The following RNF213 variants were observed in gnomAD, a reference collection of about 807,000 sequenced individuals.
The protein encoded by RNF213 is ring finger protein 213.
A neutral mutation model predicts 514.4 loss-of-function variants in RNF213; 341 were observed. The ratio of observed to expected loss-of-function variants is 0.66; its 90% CI spans 0.61 to 0.73. RNF213 has a LOEUF of 0.73. RNF213 is among the 30% of genes least tolerant of loss of function. The pLI is 0.00. For missense variants in RNF213, 5,767 were observed against 6,615.6 expected (o/e 0.87, Z 4.45); for synonymous variants, 2,655 against 2,658.2 (o/e 1.00, Z 0.04).
chr17:80,322,748 T>C (rs1427231945), intron 17 of RNF213, among the ~76,000 whole-genome samples: 1 of 152,114 alleles, frequency 6.6e-6, no homozygotes, highest in African/African-American at 2.4e-5. Context: ...GTTGTCTTTT[T>C]ATTATAGAGT....
Position 80,343,351 on chromosome 17 carries a change from T to C in RNF213, c.6183+26T>C, listed in dbSNP as rs750756103. The C allele has an allele frequency of 5.6e-6, 9 of 1,598,126 alleles. No individual in the cohort carries two copies. Among genetic ancestry groups the C allele is most frequent in the Non-Finnish European group, 7.7e-6 (9 of 1,169,952 alleles). On this transcript the variant is annotated intron_variant, in intron 27 of 67. Coordinates refer to ENST00000582970, the MANE Select transcript of RNF213 (RefSeq NM_001256071.3). The surrounding 1 kb of genome is among the most constrained non-coding windows in gnomAD (Gnocchi z 4.3). Reference sequence around the variant, plus strand: ...GTAAGTGCCCTCCAGCGTCAGCCGATGGCCACATCAGTAAAGACGTGGTCC... The same window carrying C: ...GTAAGTGCCCTCCAGCGTCAGCCGACGGCCACATCAGTAAAGACGTGGTCC...
chr17:80,343,289 G>A lies in RNF213; in HGVS notation c.6147G>A (p.Lys2049=), dbSNP rs1345077808. ...LLPFLDAQYQ[K]VPVLFHLDVT... ...CCTTCCTGGATGCGCAGTATCAGAA[G>A]GTCCCCGTGCTCTTTCACCTGGACG... The change falls in exon 27 of 68, where the codon AAG becomes AAA. Residue 2049 remains lysine, a synonymous_variant. Transcript: ENST00000582970. This position sits in a 1 kb window ranked among gnomAD's most constrained non-coding sequence, Gnocchi z 4.3. The A allele has an allele frequency of 6.2e-7, 1 of 1,613,274 alleles. No individual in the cohort carries two copies. Among genetic ancestry groups the A allele is most frequent in the East Asian group, 2.2e-5 (1 of 44,874 alleles).
Position 80,346,002 on chromosome 17 carries a change from T to C in RNF213, c.7667T>C (p.Leu2556Pro). ...AGTATGGAGGAGACGGCCGACAGGC[T>C]GGGCTCCATTCCTCTGAGGCAGCTG... ...RVSMEETADR[L>P]GSIPLRQLVY... is the part of the protein sequence containing the mutation. The change falls in exon 29 of 68, where the codon CTG becomes CCG. Residue 2556 changes from leucine (L) to proline (P), a missense_variant. Coordinates refer to ENST00000582970, the MANE Select transcript of RNF213 (RefSeq NM_001256071.3). This position sits in a 1 kb window ranked among gnomAD's most constrained non-coding sequence, Gnocchi z 8.1. The C allele has an allele frequency of 1.9e-6, 3 of 1,614,204 alleles. No homozygotes were observed. In the South Asian group the frequency reaches 3.3e-5, roughly 18 times the overall value.
intron 57 of RNF213, chr17:80,382,372 G>GACT (rs1362638720): frequency 6.4e-6 from 1 of 157,204 alleles, no homozygotes; most frequent in Non-Finnish European, 1.4e-5. Flanking sequence ...TGACCATTGT[G>GACT]AGGACAATGT....
At chr17:80,301,664 A>T (rs761514803) in intron 11 of RNF213, among the ~76,000 whole-genome samples, 7 of 152,246 alleles carry the variant, frequency 4.6e-5, no homozygotes, top group Non-Finnish European at 7.3e-5. Flanking sequence ...GGATGTGGGA[A>T]AGAGAAACTC....
chr17:80,355,618 T>TGAAC (rs2078757576), intron 36 of RNF213, among the ~76,000 whole-genome samples: 2 of 2,950 alleles, frequency 6.8e-4, no homozygotes, highest in Non-Finnish European at 1.2e-3. Context: ...GCGGGGTGAG[T>TGAAC]GGGAATGGGG....
At chr17:80,356,067 T>C (rs1209339434) in intron 36 of RNF213, among the ~76,000 whole-genome samples, 4 of 151,658 alleles carry the variant, frequency 2.6e-5, no homozygotes, top group Non-Finnish European at 5.9e-5. Flanking sequence ...AGTGATGCGA[T>C]CTCAGCTCAC....
At chr17:80,372,785 A>G (rs1371914781) in intron 48 of RNF213, 51 bp downstream of exon 48, 1 of 1,569,764 alleles carries the variant, frequency 6.4e-7, no homozygotes, top group East Asian at 2.2e-5. Context: ...TCCGTTATTT[A>G]GAAATTCAGG....
intron 6 of RNF213, 120 bp from the exon 7 acceptor site, chr17:80,290,450 T>TGC (rs1370963640): frequency 2.3e-5 from 27 of 1,199,668 alleles, no homozygotes; most frequent in Middle Eastern, 2.7e-4. Flanking sequence ...CATGTGTGTG[T>TGC]GCGAGTGCAT....
Position 80,289,818 on chromosome 17 carries a change from G to A in RNF213, c.1093G>A (p.Val365Ile), listed in dbSNP as rs749997912. ...GGAGCAAAAAAACCAGGAAGCAGATGTCCAGGAAGTGAAGGCAAGGTAGGG... is the reference window on the plus strand; with the variant it reads ...GGAGCAAAAAAACCAGGAAGCAGATATCCAGGAAGTGAAGGCAAGGTAGGG... ...EKEQKNQEAD[V>I]QEVKASTLSP... The change falls in exon 6 of 68, where the codon GTC becomes ATC. Residue 365 changes from valine (V) to isoleucine (I), a missense_variant. Physicochemically the swap from Val to Ile is conservative, Grantham distance 29 (BLOSUM62 3). This residue lies in a region of RNF213 where 509 missense variants were observed against 496.7 expected (regional missense o/e 1.02). Coordinates refer to ENST00000582970, the MANE Select transcript of RNF213 (RefSeq NM_001256071.3). 5 of 1,611,216 alleles carry A rather than the reference G, an allele frequency of 3.1e-6. No homozygotes were observed. The highest frequency in any genetic ancestry group is 1.7e-5 in the Admixed American group (1 of 59,496).
At chr17:80,350,078 C>T (rs139223481) in intron 30 of RNF213, among the ~76,000 whole-genome samples, 172 bp downstream of exon 30, 4 of 152,304 alleles carry the variant, frequency 2.6e-5, no homozygotes, top group East Asian at 1.9e-4. Flanking sequence ...TCTTCTGCAA[C>T]GCGGTGTCTG....
intron 2 of RNF213, among the ~76,000 whole-genome samples, chr17:80,272,831 C>T (rs983426977): frequency 2.0e-5 from 3 of 152,160 alleles, no homozygotes; most frequent in African/African-American, 7.2e-5. Context: ...GTTTGAGACC[C>T]CTGGGCCGCC....
chr17:80,286,047 G>A (rs2044460618), intron 3 of RNF213, among the ~76,000 whole-genome samples: 1 of 152,176 alleles, frequency 6.6e-6, no homozygotes, highest in African/African-American at 2.4e-5. Flanking sequence ...ATCTCAGTGA[G>A]GCCCTGTTTT....
At chr17:80,272,099 A>T (rs1442239980) in intron 2 of RNF213, among the ~76,000 whole-genome samples, 1 of 151,472 alleles carries the variant, frequency 6.6e-6, no homozygotes, top group Non-Finnish European at 1.5e-5. Flanking sequence ...CCTGGCCAAG[A>T]TGCTGAAACC....
chr17:80,268,143 G>T (rs921834552), intron 2 of RNF213, among the ~76,000 whole-genome samples: 2 of 151,856 alleles, frequency 1.3e-5, no homozygotes, highest in Non-Finnish European at 2.9e-5. Flanking sequence ...TTTTAAGGCC[G>T]AGTAGTGTTC....
chr17:80,380,844 A>AT lies in RNF213; in HGVS notation c.13654_13655insT (p.Arg4552MetfsTer20), dbSNP rs755883280. On this transcript the variant is annotated frameshift_variant, in exon 56 of 68. Coordinates refer to ENST00000582970, the MANE Select transcript of RNF213 (RefSeq NM_001256071.3). LOFTEE classifies it high-confidence loss of function. ...CGTTCTTTCCAGAGACAAGGCAGAC[A>AT]GAACGCAGACCGGCCACGTGCTGGG... is the stretch of plus-strand genomic sequence containing the variant. The AT allele has an allele frequency of 1.8e-5, 29 of 1,614,144 alleles. No homozygotes were observed. The highest frequency in any genetic ancestry group is 2.4e-5 in the Non-Finnish European group (28 of 1,180,054).
intron 26 of RNF213, chr17:80,340,794 T>A (rs1568095591): frequency 1.2e-5 from 2 of 164,586 alleles, no homozygotes; most frequent in East Asian, 3.7e-4. Flanking sequence ...CTAATTTATT[T>A]TTTTTTGTTT....
chr17:80,372,292 TAAATA>T (rs1173971695), intron 47 of RNF213, among the ~76,000 whole-genome samples: 2 of 152,174 alleles, frequency 1.3e-5, no homozygotes, highest in African/African-American at 2.4e-5. Flanking sequence ...TTTTATAATG[TAAATA>T]AATTAGATAA....
chr17:80,314,028 G>A (rs2045714669), intron 15 of RNF213, among the ~76,000 whole-genome samples: 1 of 110,284 alleles, frequency 9.1e-6, no homozygotes, highest in African/African-American at 4.5e-5. Context: ...GGTGATGGTG[G>A]TGGTGGTGGT....
Sources: gnomAD v4.1 joint callset for allele counts (sites outside exome capture counted in the v4.1 genomes callset) on GRCh38, gnomAD v4.1.1 for gene constraint, gnomAD v4.1.1 regional missense constraint, Gnocchi (gnomAD v3.1) non-coding constraint, MANE v1.5 for transcripts, NCBI Gene and HGNC (gene_info 2026-07-23, HGNC 2026-07-21) for gene names.